Variants in C3orf52 observed in about 807,000 individuals in gnomAD.
The protein encoded by C3orf52 is chromosome 3 open reading frame 52.
Under a neutral mutation model 24.8 loss-of-function variants are expected in C3orf52, and 22 were observed. That is an observed-to-expected ratio of 0.89 (90% CI 0.63 to 1.27). C3orf52 has a LOEUF of 1.27. Ranked by LOEUF, C3orf52 falls within the 50% of genes most tolerant of loss-of-function variation. The pLI, the probability that C3orf52 is intolerant of heterozygous loss-of-function variation, is 0.00. For missense variants in C3orf52, 265 were observed against 260.7 expected (o/e 1.02, Z -0.11); for synonymous variants, 93 against 100.2 (o/e 0.93, Z 0.43).
intron 1 of C3orf52, among the ~76,000 whole-genome samples, chr3:112,091,364 C>T (rs1165431621): frequency 6.6e-6 from 1 of 152,160 alleles, no homozygotes; most frequent in East Asian, 1.9e-4. Context: ...AACCTGAAAC[C>T]GGACAGGGCA....
exon 5 of C3orf52, chr3:112,128,607 C>G (rs1194372554): frequency 1.0e-5 from 2 of 197,800 alleles, no homozygotes; most frequent in Non-Finnish European, 2.1e-5. Flanking sequence ...ATCTGGCACA[C>G]AGTAAATGGG....
At chr3:112,088,998 A>G (rs1170633139) in intron 1 of C3orf52, among the ~76,000 whole-genome samples, 1 of 152,190 alleles carries the variant, frequency 6.6e-6, no homozygotes, top group Non-Finnish European at 1.5e-5. Flanking sequence ...TTGGCACTTG[A>G]GACAAAGGAA....
intron 1 of C3orf52, among the ~76,000 whole-genome samples, chr3:112,090,325 A>C (rs1576132946): frequency 3.5e-5 from 4 of 115,704 alleles, no homozygotes; most frequent in African/African-American, 7.1e-5. Context: ...AGAGAGTCTC[A>C]CTCCTGCCAC....
At chr3:112,120,926 CTT>C (rs961512244), downstream of C3orf52, 3 of 152,020 alleles carry the variant, frequency 2.0e-5, no homozygotes, top group African/African-American at 4.8e-5. Flanking sequence ...TTTTTTAACT[CTT>C]TTTTTGTTCT....
exon 5 of C3orf52, chr3:112,128,369 TC>T (rs1052792767): frequency 2.0e-6 from 1 of 512,286 alleles, no homozygotes; most frequent in African/African-American, 1.9e-5. Flanking sequence ...GTAAGTGTTA[TC>T]CCCAGGAAAT....
At chr3:112,100,992 C>T (rs146581941) in intron 2 of C3orf52, among the ~76,000 whole-genome samples, 122 of 152,232 alleles carry the variant, frequency 8.0e-4, no homozygotes, top group African/African-American at 2.7e-3. Flanking sequence ...CAAGATTATT[C>T]GTATTTTTTT....
At chr3:112,090,106 C>A (rs1305630689) in intron 1 of C3orf52, among the ~76,000 whole-genome samples, 3 of 152,116 alleles carry the variant, frequency 2.0e-5, no homozygotes, top group African/African-American at 7.2e-5. Flanking sequence ...TGAGGCAAGA[C>A]TCAGATGGCA....
downstream of C3orf52, chr3:112,129,094 CT>C (rs2107810542): frequency 6.6e-6 from 1 of 152,326 alleles, no homozygotes; most frequent in East Asian, 1.9e-4. Flanking sequence ...AGAGGCACAG[CT>C]GCAGCTCTTC....
chr3:112,132,600 G>A (rs1462574113), downstream of C3orf52: 14 of 966,268 alleles, frequency 1.4e-5, no homozygotes, highest in Admixed American at 3.1e-4. Flanking sequence ...GTAAATCTGA[G>A]TTCTGTGCCT....
intron 3 of C3orf52, among the ~76,000 whole-genome samples, chr3:112,107,938 T>A (rs536458615): frequency 1.3e-5 from 2 of 152,352 alleles, no homozygotes; most frequent in East Asian, 3.9e-4. Flanking sequence ...AAGCTCCCCA[T>A]AGGGCACTGC....
Position 112,102,828 on chromosome 3 carries a change from C to T in C3orf52, c.269-10C>T. The stretch of plus-strand genomic sequence containing the variant: ...TTGTTTTTCATTTCCACCTCCCCTA[C>T]TTTCTTTAGTAACTTATGTTGATGA... On this transcript the variant is annotated splice_polypyrimidine_tract_variant and intron_variant, in intron 2 of 5. Transcript: ENST00000264848. 6.5e-7 allele frequency: 1 copy of T among 1,546,574 alleles called. No individual in the cohort carries two copies.
intron 1 of C3orf52, among the ~76,000 whole-genome samples, chr3:112,089,247 C>T (rs190441075): frequency 1.9e-3 from 287 of 152,218 alleles, no homozygotes; most frequent in East Asian, 3.5e-3. Context: ...TATTTCAGGC[C>T]GGGTACAGCG....
intron 2 of C3orf52, among the ~76,000 whole-genome samples, chr3:112,101,326 C>G (rs570964230): frequency 3.3e-5 from 5 of 152,204 alleles, no homozygotes; most frequent in Non-Finnish European, 5.9e-5. Flanking sequence ...TTGCACCAGA[C>G]TTGTTTAATT....
At chr3:112,099,281 G>A (rs971666356) in intron 2 of C3orf52, among the ~76,000 whole-genome samples, 2 of 152,056 alleles carry the variant, frequency 1.3e-5, no homozygotes, top group African/African-American at 2.4e-5. Flanking sequence ...ACTAATACAC[G>A]CTCACATTGG....
intron 3 of C3orf52, among the ~76,000 whole-genome samples, chr3:112,106,176 G>A (rs2074021429): frequency 1.3e-5 from 2 of 152,188 alleles, no homozygotes; most frequent in Admixed American, 1.3e-4. Context: ...ACATAGGCAT[G>A]GTGGATTATT....
chr3:112,136,302 ATCTC>A, the C3orf52 span, among the ~76,000 whole-genome samples: 1 of 152,180 alleles, frequency 6.6e-6, no homozygotes, highest in Non-Finnish European at 1.5e-5. Context: ...TGTTTTAGTA[ATCTC>A]TTTAGGGGAT....
At chr3:112,130,819 T>C (rs2074435519), downstream of C3orf52, 1 of 393,622 alleles carries the variant, frequency 2.5e-6, no homozygotes, top group Non-Finnish European at 4.8e-6. Flanking sequence ...AGTATCCGTG[T>C]CCAGAGAGAG....
At chr3:112,100,814 A>G (rs1285288084) in intron 2 of C3orf52, among the ~76,000 whole-genome samples, 1 of 152,218 alleles carries the variant, frequency 6.6e-6, no homozygotes, top group Non-Finnish European at 1.5e-5. Flanking sequence ...AATCTTTGCA[A>G]GGAATTTTAA....
At chr3:112,098,376 A>G (rs1183254785) in intron 2 of C3orf52, among the ~76,000 whole-genome samples, 2 of 152,180 alleles carry the variant, frequency 1.3e-5, no homozygotes, top group South Asian at 2.1e-4. Context: ...TTGTGGGTTC[A>G]TGAGGCTTCT....
Sources: gnomAD v4.1 joint callset for allele counts (sites outside exome capture counted in the v4.1 genomes callset) on GRCh38, gnomAD v4.1.1 for gene constraint, MANE v1.5 for transcripts, NCBI Gene and HGNC (gene_info 2026-07-23, HGNC 2026-07-21) for gene names.